RIN2: variants seen among roughly 807,000 people sequenced by gnomAD.
RIN2 encodes the protein Ras and Rab interactor 2.
RIN2 carries 36 observed loss-of-function variants against 78.0 expected under a neutral mutation model. The observed-to-expected ratio is 0.46, with a 90% CI of 0.35 to 0.61. RIN2 has a LOEUF of 0.61. RIN2 is among the 20% of genes least tolerant of loss of function. RIN2 has a pLI of 0.00. For synonymous variants in RIN2, 466 were observed against 466.8 expected, an observed-to-expected ratio of 1.00 and a Z score of 0.02; for missense variants, 1,087 against 1,159.7, an observed-to-expected ratio of 0.94 and a Z score of 0.91.
chr20:19,783,533 A>C (rs566935053), intron 1 of RIN2, among the ~76,000 whole-genome samples: 12 of 141,936 alleles, frequency 8.5e-5, no homozygotes, highest in African/African-American at 3.2e-4. Context: ...GGGTGGCTGG[A>C]GGTGAGGCCC....
intron 3 of RIN2, among the ~76,000 whole-genome samples, chr20:19,898,239 C>T (rs1268356504): frequency 6.6e-6 from 1 of 152,192 alleles, no homozygotes; most frequent in Non-Finnish European, 1.5e-5. Context: ...ATGTGTCGTT[C>T]CAACACATGC....
At chr20:19,857,990 T>C (rs1259342771) in intron 2 of RIN2, among the ~76,000 whole-genome samples, 1 of 152,244 alleles carries the variant, frequency 6.6e-6, no homozygotes. Flanking sequence ...AAGTTATTTG[T>C]CTTACATGTG....
chr20:19,852,174 G>A (rs1333842238), intron 2 of RIN2, among the ~76,000 whole-genome samples: 2 of 152,164 alleles, frequency 1.3e-5, no homozygotes, highest in African/African-American at 4.8e-5. Context: ...AAAGGGCAGG[G>A]AAATATGCTC....
At chr20:19,816,789 A>G in intron 2 of RIN2, among the ~76,000 whole-genome samples, 1 of 152,238 alleles carries the variant, frequency 6.6e-6, no homozygotes, top group East Asian at 1.9e-4. Flanking sequence ...AGACAAGAGG[A>G]CATTGATACA....
intron 2 of RIN2, among the ~76,000 whole-genome samples, chr20:19,847,493 G>T (rs965309316): frequency 6.6e-6 from 1 of 152,148 alleles, no homozygotes; most frequent in East Asian, 1.9e-4. Flanking sequence ...CAACAAGAGG[G>T]TAGAGGTGCT....
Position 19,975,786 on chromosome 20 carries a change from A to G in RIN2, c.1761A>G (p.Ile587Met). 2 of 1,605,176 alleles carry G rather than the reference A, an allele frequency of 1.2e-6. No individual in the cohort carries two copies. The highest frequency in any genetic ancestry group is 2.2e-5 in the South Asian group (2 of 89,838). Residue 587 changes from isoleucine (I) to methionine (M), a missense_variant and splice_region_variant, in exon 9 of 13, where the codon ATA becomes ATG. Physicochemically the swap from Ile to Met is conservative, Grantham distance 10 (BLOSUM62 1). Transcript: ENST00000255006. The surrounding 1 kb of genome is among the most constrained non-coding windows in gnomAD (Gnocchi z 4.9). Reference sequence around the variant, plus strand: ...AGTCGCTGATCCCTGAAGACCAAATAGGTAAGTACCCTCTTTTTTAAAATA... The same window carrying G: ...AGTCGCTGATCCCTGAAGACCAAATGGGTAAGTACCCTCTTTTTTAAAATA... ...PIESLIPEDQ[I>M]DVVLEKAMHK...
At chr20:19,913,604 C>T (rs2039565719) in intron 3 of RIN2, among the ~76,000 whole-genome samples, 2 of 152,172 alleles carry the variant, frequency 1.3e-5, no homozygotes, top group Admixed American at 1.3e-4. Flanking sequence ...TTCCTCAACC[C>T]CTGGTAACTA....
In RIN2 at chr20:19,842,387, CTTTTTTTTTTTTT is replaced by C. The variant is rs139642869; in HGVS notation, c.-37+42654_-37+42666del. Among the ~76,000 whole-genome samples, 43 of 46,196 alleles carry C rather than the reference CTTTTTTTTTTTTT, an allele frequency of 9.3e-4. 1 individual carries two copies. In the South Asian group the frequency reaches 0.031, roughly 34 times the overall value. 30.3% of individuals were successfully genotyped at this position (46,196 alleles called of 152,430 possible). A position where few individuals can be genotyped will look rare whatever the true frequency, so the allele number is the denominator to read the frequency against. On this transcript the variant is annotated intron_variant, in intron 2 of 12. Coordinates refer to ENST00000255006, the MANE Select transcript of RIN2 (RefSeq NM_018993.4). ...TACAGGCACTCACCACCATCCCTGG[CTTTTTTTTTTTTT>C]TTTTTTTTTTTTTGTATTTTTAGTA...
intron 2 of RIN2, among the ~76,000 whole-genome samples, chr20:19,857,364 C>CAT (rs2037200972): frequency 6.6e-6 from 1 of 151,958 alleles, no homozygotes; most frequent in Non-Finnish European, 1.5e-5. Context: ...ACAATGGATT[C>CAT]ATTGTATTAT....
chr20:19,808,320 T>C (rs927440825), intron 2 of RIN2, among the ~76,000 whole-genome samples: 11 of 152,194 alleles, frequency 7.2e-5, no homozygotes, highest in African/African-American at 2.7e-4. Flanking sequence ...GAGGCCGCCA[T>C]GGCCCAGTAG....
chr20:19,915,857 T>A (rs2039661985), intron 3 of RIN2, among the ~76,000 whole-genome samples: 2 of 152,242 alleles, frequency 1.3e-5, no homozygotes, highest in South Asian at 4.1e-4. Context: ...ATTTCCCTTC[T>A]GATATTGCAT....
intron 2 of RIN2, among the ~76,000 whole-genome samples, chr20:19,865,372 A>C (rs1399387490): frequency 1.3e-5 from 2 of 152,228 alleles, no homozygotes; most frequent in Non-Finnish European, 2.9e-5. Context: ...AGCTCAGCTA[A>C]ATAAAACTGC....
At chr20:19,962,512 A>G (rs2041798377) in intron 6 of RIN2, among the ~76,000 whole-genome samples, 2 of 152,176 alleles carry the variant, frequency 1.3e-5, no homozygotes, top group Middle Eastern at 3.4e-3. Flanking sequence ...TTCCCCCATA[A>G]TTTGACAAGG....
intron 2 of RIN2, among the ~76,000 whole-genome samples, chr20:19,888,041 A>C (rs1296319222): frequency 6.6e-6 from 1 of 152,146 alleles, no homozygotes; most frequent in Non-Finnish European, 1.5e-5. Flanking sequence ...TGAACCCCAG[A>C]ACCTGAACTT....
Position 19,976,086 on chromosome 20 carries a change from C to T in RIN2, c.1762+299C>T, listed in dbSNP as rs992607172. Among the ~76,000 whole-genome samples the T allele has an allele frequency of 3.3e-5, 5 of 152,082 alleles. No individual in the cohort carries two copies. The East Asian group carries it at 5.8e-4, about 18-fold the overall frequency. On this transcript the variant is annotated intron_variant, in intron 9 of 12. Coordinates refer to ENST00000255006, the MANE Select transcript of RIN2 (RefSeq NM_018993.4). ...GGTAACGTGTGTGTGTTACATGTGC[C>T]GGGTGTTTCTGGACGCGTGCTTCTC...
chr20:19,999,579 C>T (rs2281356), intron 12 of RIN2, among the ~76,000 whole-genome samples: 1,969 of 152,196 alleles, frequency 0.013, 39 homozygotes, highest in African/African-American at 0.046. Flanking sequence ...ATTTAACTGG[C>T]TGTTCTAGAT....
intron 9 of RIN2, among the ~76,000 whole-genome samples, chr20:19,977,678 T>C (rs1032666023): frequency 1.3e-5 from 2 of 152,148 alleles, no homozygotes; most frequent in Non-Finnish European, 2.9e-5. Context: ...AGCCCACGTT[T>C]GCTGAGCTCA....
chr20:19,852,876 G>C (rs1206492376), intron 2 of RIN2, among the ~76,000 whole-genome samples: 2 of 151,694 alleles, frequency 1.3e-5, no homozygotes, highest in Admixed American at 1.3e-4. Flanking sequence ...GATATCATTT[G>C]CCATCCTTTT....
At chr20:19,809,175 T>C (rs16981140) in intron 2 of RIN2, 22,464 of 152,288 alleles carry the variant, frequency 0.15, 2,249 homozygotes, top group African/African-American at 0.29. Context: ...ACTTCACAGC[T>C]GGGGCAGAAG....
Sources: allele counts gnomAD v4.1 joint callset (sites outside exome capture counted in the v4.1 genomes callset), GRCh38; gene constraint gnomAD v4.1.1; non-coding constraint Gnocchi (gnomAD v3.1); transcripts MANE v1.5; gene names NCBI Gene and HGNC (gene_info 2026-07-23, HGNC 2026-07-21).